The following RIT2 variants were observed in gnomAD, a reference collection of about 807,000 sequenced individuals.
RIT2 encodes the protein GTP-binding protein Rit2.
Under a neutral mutation model 23.7 loss-of-function variants are expected in RIT2, and 24 were observed. The observed-to-expected ratio is 1.01, with a 90% CI of 0.73 to 1.43. The LOEUF is 1.43. RIT2 is among the 40% of genes most tolerant of loss of function. The probability of loss-of-function intolerance (pLI) is 0.00; values close to 1 mark genes in which losing one functional copy is unlikely to be tolerated. For missense variants in RIT2, 236 were observed against 266.9 expected (o/e 0.88, Z 0.81); for synonymous variants, 107 against 91.1 (o/e 1.17, Z -0.99).
intron 4 of RIT2, among the ~76,000 whole-genome samples, chr18:42,798,389 C>T (rs1905433740): frequency 6.6e-6 from 1 of 152,172 alleles, no homozygotes; most frequent in Non-Finnish European, 1.5e-5. Context: ...TTCTGGCAAG[C>T]AACAGTCTCT....
chr18:42,837,350 G>A (rs1248591888), intron 4 of RIT2, among the ~76,000 whole-genome samples: 1 of 151,138 alleles, frequency 6.6e-6, no homozygotes. Flanking sequence ...GGTATTTTTA[G>A]TAGAGATGAG....
chr18:42,793,897 C>T (rs618537), intron 4 of RIT2, among the ~76,000 whole-genome samples: 148,580 of 152,312 alleles, frequency 0.98, 72,590 homozygotes, highest in Middle Eastern at 1. Context: ...ACTTTCTTGA[C>T]TTTTTCTTTC....
chr18:42,885,000 C>G (rs1236505597), intron 4 of RIT2, among the ~76,000 whole-genome samples: 1 of 152,166 alleles, frequency 6.6e-6, no homozygotes, highest in Non-Finnish European at 1.5e-5. Flanking sequence ...ACCAAGGTTA[C>G]CAAAGTGAAT....
intron 4 of RIT2, among the ~76,000 whole-genome samples, chr18:42,831,615 C>A (rs1291002960): frequency 6.6e-6 from 1 of 151,872 alleles, no homozygotes; most frequent in Non-Finnish European, 1.5e-5. Context: ...GGAAATGTGA[C>A]GGAGGGTCTA....
chr18:42,947,921 T>A (rs2144168089), intron 3 of RIT2, among the ~76,000 whole-genome samples: 1 of 152,234 alleles, frequency 6.6e-6, no homozygotes, highest in African/African-American at 2.4e-5. Context: ...ATCCTTTACC[T>A]AAAGATATGA....
chr18:42,870,689 A>G (rs996198128), intron 4 of RIT2, among the ~76,000 whole-genome samples: 1 of 152,202 alleles, frequency 6.6e-6, no homozygotes, highest in Non-Finnish European at 1.5e-5. Context: ...GGGTAGGCCA[A>G]GAAGCAACGG....
intron 4 of RIT2, among the ~76,000 whole-genome samples, chr18:42,819,828 CTAA>C (rs1440242039): frequency 6.6e-6 from 1 of 152,058 alleles, no homozygotes; most frequent in African/African-American, 2.4e-5. Flanking sequence ...CTATGTGATA[CTAA>C]TGTGGGTAGA....
chr18:42,905,014 T>C (rs1908573566), intron 4 of RIT2, among the ~76,000 whole-genome samples: 1 of 152,186 alleles, frequency 6.6e-6, no homozygotes, highest in Non-Finnish European at 1.5e-5. Context: ...GCAATTGTTT[T>C]GGAATAAAAT....
At chr18:43,077,691 G>A (rs1231509261) in intron 1 of RIT2, among the ~76,000 whole-genome samples, 1 of 152,082 alleles carries the variant, frequency 6.6e-6, no homozygotes, top group Non-Finnish European at 1.5e-5. Context: ...TTTTATAACT[G>A]ACAGCCCATC....
At chr18:42,884,183 A>C (rs991651318) in intron 4 of RIT2, among the ~76,000 whole-genome samples, 2 of 152,222 alleles carry the variant, frequency 1.3e-5, no homozygotes, top group African/African-American at 4.8e-5. Context: ...CCAGGAACTA[A>C]GCAGTCTCTC....
At chr18:42,812,987 G>A (rs1905894155) in intron 4 of RIT2, among the ~76,000 whole-genome samples, 1 of 152,074 alleles carries the variant, frequency 6.6e-6, no homozygotes, top group Non-Finnish European at 1.5e-5. Context: ...TGTTTTATTT[G>A]TACAGCCACC....
chr18:42,963,389 T>C (rs1200004125), intron 3 of RIT2, among the ~76,000 whole-genome samples: 1 of 152,066 alleles, frequency 6.6e-6, no homozygotes, highest in Non-Finnish European at 1.5e-5. Context: ...CCATGAGGGG[T>C]CAAGACAATA....
chr18:42,774,623 C>CT (rs35904043), intron 4 of RIT2, among the ~76,000 whole-genome samples: 93,239 of 146,706 alleles, frequency 0.64, 33,080 homozygotes, highest in Middle Eastern at 0.81. Flanking sequence ...ATTGACTAGA[C>CT]TTTTTTTTTT....
intron 4 of RIT2, among the ~76,000 whole-genome samples, chr18:42,810,208 T>C (rs1042620307): frequency 2.0e-5 from 3 of 151,198 alleles, no homozygotes; most frequent in Admixed American, 2.0e-4. Flanking sequence ...TAATGAGGTG[T>C]TTTGGGGCTG....
intron 1 of RIT2, among the ~76,000 whole-genome samples, chr18:43,108,702 C>A (rs748951181): frequency 6.6e-6 from 1 of 152,148 alleles, no homozygotes; most frequent in Non-Finnish European, 1.5e-5. Flanking sequence ...ATTCTGTTTT[C>A]AATCATTATT....
At chr18:43,110,642 T>C (rs1913931900) in intron 1 of RIT2, among the ~76,000 whole-genome samples, 2 of 152,154 alleles carry the variant, frequency 1.3e-5, no homozygotes, top group Non-Finnish European at 2.9e-5. Context: ...TAAAAGAAGA[T>C]GCCTAAAAGA....
rs954700182 is a variant in RIT2 at position 42,822,526 on chromosome 18, A to G, written c.427-78806T>C. ...GTTGGTTCCAATACATTGTTGTACA[A>G]TATTAATAGACACCAGAAATCACTG... On this transcript the variant is annotated intron_variant, in intron 4 of 4. Coordinates refer to ENST00000326695, the MANE Select transcript of RIT2 (RefSeq NM_002930.4). Among the ~76,000 whole-genome samples the G allele has an allele frequency of 6.6e-5, 10 of 152,210 alleles. No individual in the cohort carries two copies. The East Asian group carries it at 1.9e-3, about 29-fold the overall frequency.
At chr18:42,781,662 A>T (rs1913814549) in intron 4 of RIT2, among the ~76,000 whole-genome samples, 1 of 152,192 alleles carries the variant, frequency 6.6e-6, no homozygotes, top group African/African-American at 2.4e-5. Flanking sequence ...ATTAAAACAT[A>T]CTAGTGCATA....
At chr18:42,946,747 A>T (rs1909736806) in intron 3 of RIT2, among the ~76,000 whole-genome samples, 1 of 151,978 alleles carries the variant, frequency 6.6e-6, no homozygotes, top group South Asian at 2.1e-4. Context: ...TTGCTACAGG[A>T]AATTTAAGGT....
Sources: allele counts gnomAD v4.1 joint callset (sites outside exome capture counted in the v4.1 genomes callset), GRCh38; gene constraint gnomAD v4.1.1; transcripts MANE v1.5; gene names NCBI Gene and HGNC (gene_info 2026-07-23, HGNC 2026-07-21).